Variants in SMYD3 observed in about 807,000 individuals in gnomAD.
SMYD3 encodes the protein histone-lysine N-methyltransferase SMYD3.
Under a neutral mutation model 57.7 loss-of-function variants are expected in SMYD3, and 36 were observed. That is an observed-to-expected ratio of 0.62 (90% CI 0.48 to 0.82). The LOEUF (loss-of-function observed/expected upper bound fraction) is 0.82. Ranked by LOEUF, SMYD3 falls within the 40% of genes least tolerant of loss-of-function variation. The pLI, the probability that SMYD3 is intolerant of heterozygous loss-of-function variation, is 0.00. For missense variants in SMYD3, 515 were observed against 538.8 expected (o/e 0.96, Z 0.44); for synonymous variants, 211 against 195.0 (o/e 1.08, Z -0.68).
intron 5 of SMYD3, among the ~76,000 whole-genome samples, chr1:246,281,189 T>C (rs1282298160): frequency 1.3e-5 from 2 of 152,176 alleles, no homozygotes; most frequent in African/African-American, 4.8e-5. Context: ...ACCACACAGG[T>C]GAGAAGGAAG....
intron 5 of SMYD3, among the ~76,000 whole-genome samples, chr1:246,128,302 C>G (rs2061538017): frequency 2.0e-5 from 3 of 152,242 alleles, no homozygotes; most frequent in Admixed American, 2.0e-4. Context: ...AAGTAATTTG[C>G]TCATTTATTA....
rs925737636 is a variant in SMYD3, at chr1:245,806,205, T to C, written c.1077-42056A>G. Among the ~76,000 whole-genome samples, 4 of 152,240 alleles carry C rather than the reference T, an allele frequency of 2.6e-5. No individual in the cohort carries two copies. The South Asian group carries it at 6.2e-4, about 24-fold the overall frequency. On this transcript the variant is annotated intron_variant, in intron 10 of 11. Coordinates refer to ENST00000490107, the MANE Select transcript of SMYD3 (RefSeq NM_001167740.2). ...CAGTCTGTTAGGAAATATTATAAAA[T>C]TACTCCAAAGTGGGGATGCAGAATT... is the stretch of plus-strand genomic sequence containing the variant.
intron 1 of SMYD3, among the ~76,000 whole-genome samples, chr1:246,375,901 T>A (rs551517340): frequency 1.2e-4 from 18 of 152,166 alleles, no homozygotes; most frequent in African/African-American, 4.3e-4. Flanking sequence ...GGCTCATTTT[T>A]GTATTTTTAG....
intron 1 of SMYD3, among the ~76,000 whole-genome samples, chr1:246,392,905 A>G (rs2066596221): frequency 6.6e-6 from 1 of 152,224 alleles, no homozygotes. Flanking sequence ...ATCATCAATC[A>G]TTATGGAAAT....
At chr1:246,383,308 A>G (rs991640363) in intron 1 of SMYD3, among the ~76,000 whole-genome samples, 21 of 152,220 alleles carry the variant, frequency 1.4e-4, no homozygotes, top group African/African-American at 5.1e-4. Context: ...AGATCTCAAT[A>G]TTCAGTAAAA....
intron 1 of SMYD3, 67 bp downstream of exon 1, chr1:246,506,987 A>AC (rs2068551769): frequency 5.0e-5 from 32 of 634,678 alleles, no homozygotes; most frequent in East Asian, 2.1e-4. Context: ...CGGCCGCCCG[A>AC]CGCCCCCCCC....
intron 5 of SMYD3, among the ~76,000 whole-genome samples, chr1:246,009,872 T>A (rs914053753): frequency 2.3e-5 from 3 of 131,322 alleles, no homozygotes; most frequent in African/African-American, 8.8e-5. Context: ...TGCAGTGGCG[T>A]GATCTCGGCT....
At chr1:245,804,491 G>A (rs1028859003) in intron 10 of SMYD3, among the ~76,000 whole-genome samples, 1 of 152,082 alleles carries the variant, frequency 6.6e-6, no homozygotes, top group African/African-American at 2.4e-5. Context: ...CTGGGAGGCG[G>A]AGCTTGCATT....
chr1:246,461,438 C>A (rs1386518087), intron 1 of SMYD3, among the ~76,000 whole-genome samples: 1 of 152,004 alleles, frequency 6.6e-6, no homozygotes, highest in African/African-American at 2.4e-5. Context: ...AAACTTAGAA[C>A]AATTTTAGTG....
At chr1:246,332,661 A>G (rs2065479704) in intron 3 of SMYD3, among the ~76,000 whole-genome samples, 1 of 152,210 alleles carries the variant, frequency 6.6e-6, no homozygotes. Flanking sequence ...CAAAAAATTT[A>G]GCTGGCCATG....
intron 8 of SMYD3, among the ~76,000 whole-genome samples, chr1:245,884,127 A>C (rs774687109): frequency 7.9e-5 from 12 of 152,186 alleles, no homozygotes; most frequent in Non-Finnish European, 1.5e-4. Flanking sequence ...AACAAATGCC[A>C]CCATATCTTC....
chr1:246,091,851 T>A (rs1219777842), intron 5 of SMYD3, among the ~76,000 whole-genome samples: 3 of 152,246 alleles, frequency 2.0e-5, no homozygotes, highest in African/African-American at 4.8e-5. Flanking sequence ...AGGTTTTTTA[T>A]ATAAACGTTT....
At chr1:245,998,470 C>G (rs997555446) in intron 5 of SMYD3, among the ~76,000 whole-genome samples, 1 of 152,152 alleles carries the variant, frequency 6.6e-6, no homozygotes, top group Non-Finnish European at 1.5e-5. Flanking sequence ...ATGTGACAAC[C>G]ACATGCCCAT....
chr1:246,422,240 C>G (rs1292448264), intron 1 of SMYD3, among the ~76,000 whole-genome samples: 1 of 152,102 alleles, frequency 6.6e-6, no homozygotes, highest in Non-Finnish European at 1.5e-5. Flanking sequence ...GATTTTTGCA[C>G]AGACAACTAA....
In SMYD3 at chr1:245,993,015, G is replaced by A. The variant is rs149319649; in HGVS notation, c.532-63078C>T. On this transcript the variant is annotated intron_variant, in intron 5 of 11. Coordinates refer to ENST00000490107, the MANE Select transcript of SMYD3 (RefSeq NM_001167740.2). ...GATCAGCTACTCTACAATCTATCAA[G>A]GCCTCGGTTTCCAAAGCCGCAAAAT... 1.2e-4 allele frequency among the ~76,000 whole-genome samples: 18 copies of A among 152,130 alleles called. No individual in the cohort carries two copies. The East Asian group carries it at 3.5e-3, about 30-fold the overall frequency.
chr1:246,415,371 A>T (rs2067046211), intron 1 of SMYD3, among the ~76,000 whole-genome samples: 1 of 152,168 alleles, frequency 6.6e-6, no homozygotes, highest in South Asian at 2.1e-4. Context: ...AATAGATAAA[A>T]TGTATATCGT....
At chr1:245,930,529 T>A (rs1008559666) in intron 5 of SMYD3, 1 of 190,542 alleles carries the variant, frequency 5.2e-6, no homozygotes, top group East Asian at 1.4e-4. Flanking sequence ...TCCTGTCTTA[T>A]GCAGGGACGG....
At chr1:246,372,832 A>G (rs1465380690) in intron 1 of SMYD3, among the ~76,000 whole-genome samples, 2 of 152,222 alleles carry the variant, frequency 1.3e-5, no homozygotes, top group Non-Finnish European at 2.9e-5. Flanking sequence ...AATGTATAAG[A>G]ACATTTCATT....
chr1:246,192,069 C>A (rs1364670945), intron 5 of SMYD3, among the ~76,000 whole-genome samples: 1 of 152,126 alleles, frequency 6.6e-6, no homozygotes, highest in Non-Finnish European at 1.5e-5. Flanking sequence ...AAGTTGGATA[C>A]AGAAGAGGCT....
Sources: allele counts gnomAD v4.1 joint callset (sites outside exome capture counted in the v4.1 genomes callset), GRCh38; gene constraint gnomAD v4.1.1; transcripts MANE v1.5; gene names NCBI Gene and HGNC (gene_info 2026-07-23, HGNC 2026-07-21).